The following TMCO6 variants were observed in gnomAD, a reference collection of about 807,000 sequenced individuals.
TMCO6 encodes the protein transmembrane and coiled-coil domains 6.
A neutral mutation model predicts 61.8 loss-of-function variants in TMCO6; 47 were observed. That is an observed-to-expected ratio of 0.76 (90% CI 0.60 to 0.97). TMCO6 has a LOEUF of 0.97. Among genes scored for constraint, TMCO6 ranks in the 50% least tolerant of loss-of-function variants. TMCO6 has a pLI of 0.00. For missense variants in TMCO6, 557 were observed against 601.6 expected, an observed-to-expected ratio of 0.93 and a Z score of 0.78; for synonymous variants, 261 against 254.2, an observed-to-expected ratio of 1.03 and a Z score of -0.25.
At chr5:140,637,898 C>A (rs1756808269), upstream of TMCO6, among the ~76,000 whole-genome samples, 1 of 152,054 alleles carries the variant, frequency 6.6e-6, no homozygotes, top group South Asian at 2.1e-4. Flanking sequence ...TCCCACAAAC[C>A]AATGTCTTTC....
chr5:140,643,622 C>A lies in TMCO6; in HGVS notation c.865C>A (p.Leu289Met). ...GGCTCTGTCTACTCTGGGGTTGCTGCTGTTGGACTTGGCTGGGGCTGTCCA... is the reference window on the plus strand; with the variant it reads ...GGCTCTGTCTACTCTGGGGTTGCTGATGTTGGACTTGGCTGGGGCTGTCCA... The part of the protein sequence containing the change: ...HGALSTLGLL[L>M]LDLAGAVQKT... The change falls in exon 8 of 12, where the codon CTG (leucine) becomes ATG (methionine). Residue 289 changes from leucine (L) to methionine (M), a missense_variant. Transcript: ENST00000394671. The A allele has an allele frequency of 6.2e-7, 1 of 1,614,008 alleles. No homozygotes were observed.
chr5:140,623,662 T>C, the TMCO6 span, among the ~76,000 whole-genome samples: 1 of 152,242 alleles, frequency 6.6e-6, no homozygotes, highest in Non-Finnish European at 1.5e-5. Context: ...TCAAGTCTTA[T>C]AACTTAGGCC....
chr5:140,618,442 A>G, the TMCO6 span, among the ~76,000 whole-genome samples: 1 of 152,168 alleles, frequency 6.6e-6, no homozygotes, highest in Non-Finnish European at 1.5e-5. Context: ...AGAAAAAGAA[A>G]AAGGAGCAAA....
downstream of TMCO6, chr5:140,645,724 G>A (rs368090113): frequency 3.1e-6 from 5 of 1,613,626 alleles, no homozygotes; most frequent in African/African-American, 5.3e-5. Context: ...GCACCCTGGA[G>A]GCTACCAAAG....
At chr5:140,637,293 A>G (rs1468655377), upstream of TMCO6, among the ~76,000 whole-genome samples, 1 of 152,164 alleles carries the variant, frequency 6.6e-6, no homozygotes, top group African/African-American at 2.4e-5. Flanking sequence ...GAATGTGAGG[A>G]ACACGGTTTT....
chr5:140,631,748 A>T, the TMCO6 span: 1 of 1,055,000 alleles, frequency 9.5e-7, no homozygotes, highest in Non-Finnish European at 1.4e-6. Context: ...TTAAGATTTT[A>T]ATAAAGGTGG....
At chr5:140,597,025 A>G in the TMCO6 span, among the ~76,000 whole-genome samples, 2 of 152,196 alleles carry the variant, frequency 1.3e-5, no homozygotes, top group African/African-American at 4.8e-5. Flanking sequence ...ATAATTCTAA[A>G]GATTTTTGAA....
the TMCO6 span, among the ~76,000 whole-genome samples, chr5:140,615,680 A>G: frequency 6.6e-6 from 1 of 152,240 alleles, no homozygotes; most frequent in Admixed American, 6.5e-5. Context: ...TGCCAAGACT[A>G]TTCAATAGAT....
chr5:140,642,085 G>T (rs1180020552), intron 4 of TMCO6, 32 bp downstream of exon 4: 1 of 1,579,932 alleles, frequency 6.3e-7, no homozygotes, highest in Non-Finnish European at 8.6e-7. Flanking sequence ...CTTGTTCTTG[G>T]TTTAGATTTT....
At chr5:140,619,300 C>T in the TMCO6 span, among the ~76,000 whole-genome samples, 1 of 152,170 alleles carries the variant, frequency 6.6e-6, no homozygotes, top group African/African-American at 2.4e-5. Flanking sequence ...TTCCAGCTCC[C>T]TTTCTAGCCT....
At chr5:140,613,534 C>T in the TMCO6 span, among the ~76,000 whole-genome samples, 9 of 151,802 alleles carry the variant, frequency 5.9e-5, 1 homozygote, top group Admixed American at 6.6e-5. Context: ...CAGAGTGAGA[C>T]TACAAATTGA....
chr5:140,612,497 G>A, the TMCO6 span, among the ~76,000 whole-genome samples: 6 of 152,178 alleles, frequency 3.9e-5, no homozygotes, highest in East Asian at 1.2e-3. Flanking sequence ...CCGCCACGGC[G>A]CCCGGCTCAT....
chr5:140,632,319 G>A, the TMCO6 span: 13 of 1,613,908 alleles, frequency 8.1e-6, no homozygotes, highest in Admixed American at 5.0e-5. This position sits in a 1 kb window ranked among gnomAD's most constrained non-coding sequence, Gnocchi z 6.2. Flanking sequence ...CTGGATGGCC[G>A]GGAACTTGTG....
the TMCO6 span, among the ~76,000 whole-genome samples, chr5:140,602,966 A>T: frequency 6.6e-6 from 1 of 151,966 alleles, no homozygotes; most frequent in Non-Finnish European, 1.5e-5. Context: ...AAAATTAGCC[A>T]GGGTGAGCCG....
chr5:140,605,708 C>A, the TMCO6 span, among the ~76,000 whole-genome samples: 3 of 96,350 alleles, frequency 3.1e-5, no homozygotes, highest in African/African-American at 1.4e-4. Context: ...CACACACACA[C>A]ACACACACAC....
At chr5:140,629,385 C>A in the TMCO6 span, among the ~76,000 whole-genome samples, 5 of 152,108 alleles carry the variant, frequency 3.3e-5, no homozygotes, top group Non-Finnish European at 7.4e-5. Flanking sequence ...TGCTTTAAAT[C>A]ATCTCTAGAT....
chr5:140,613,303 C>T, the TMCO6 span, among the ~76,000 whole-genome samples: 4 of 145,814 alleles, frequency 2.7e-5, no homozygotes, highest in African/African-American at 1.0e-4. Flanking sequence ...GCAGGAAAAT[C>T]GTTTGAACCT....
rs1257848494 is a variant in TMCO6 at position 140,639,732 on chromosome 5, C to T, written c.86-7C>T. The stretch of plus-strand genomic sequence containing the variant: ...TTCCCACGCTCAGCCGGCTCCTCTG[C>T]CCCCAGCACTGCGGAAGGCGCGGAG... On this transcript the variant is annotated splice_region_variant and splice_polypyrimidine_tract_variant and intron_variant, in intron 1 of 11. Coordinates refer to ENST00000394671, the MANE Select transcript of TMCO6 (RefSeq NM_018502.5). The T allele has an allele frequency of 1.3e-6, 2 of 1,585,434 alleles. No individual in the cohort carries two copies. Among genetic ancestry groups the T allele is most frequent in the South Asian group, 1.2e-5 (1 of 86,652 alleles).
At chr5:140,615,802 C>A in the TMCO6 span, among the ~76,000 whole-genome samples, 3 of 152,118 alleles carry the variant, frequency 2.0e-5, no homozygotes, top group Non-Finnish European at 4.4e-5. Flanking sequence ...AAAAATTGAT[C>A]AAATTGCTAT....
Sources: gnomAD v4.1 joint callset for allele counts (sites outside exome capture counted in the v4.1 genomes callset) on GRCh38, gnomAD v4.1.1 for gene constraint, Gnocchi (gnomAD v3.1) non-coding constraint, MANE v1.5 for transcripts, NCBI Gene and HGNC (gene_info 2026-07-23, HGNC 2026-07-21) for gene names.